HSPBAP1: variants seen among roughly 807,000 people sequenced by gnomAD.
HSPBAP1 encodes HSPB1-associated protein 1.
HSPBAP1 carries 27 observed loss-of-function variants against 45.2 expected under a neutral mutation model. The ratio of observed to expected loss-of-function variants is 0.60; its 90% CI spans 0.44 to 0.82. HSPBAP1 has a LOEUF of 0.82. Among genes scored for constraint, HSPBAP1 ranks in the 40% least tolerant of loss-of-function variants. The pLI, the probability that HSPBAP1 is intolerant of heterozygous loss-of-function variation, is 0.00. For missense variants in HSPBAP1, 510 were observed against 590.9 expected (o/e 0.86, Z 1.42); for synonymous variants, 204 against 202.7 (o/e 1.01, Z -0.06).
chr3:122,751,053 A>T (rs745463591), intron 6 of HSPBAP1, among the ~76,000 whole-genome samples: 55 of 152,384 alleles, frequency 3.6e-4, no homozygotes, highest in Non-Finnish European at 5.4e-4. Context: ...CTAAAGTGAG[A>T]TGAGATTACT....
chr3:122,791,679 A>G (rs1935834881), intron 1 of HSPBAP1, among the ~76,000 whole-genome samples: 1 of 152,236 alleles, frequency 6.6e-6, no homozygotes, highest in Non-Finnish European at 1.5e-5. Flanking sequence ...TGATCTGGTA[A>G]GGTCTCAGGT....
intron 3 of HSPBAP1, among the ~76,000 whole-genome samples, chr3:122,765,303 G>A (rs1490856007): frequency 1.3e-5 from 2 of 152,096 alleles, no homozygotes; most frequent in Non-Finnish European, 2.9e-5. Flanking sequence ...ATTTTTGGCT[G>A]GGCATGATGG....
In HSPBAP1 at chr3:122,759,218, CAT is replaced by C; in HGVS notation, c.569+4_569+5del. ...ACACACACACACACACACACACACA[CAT>C]TACCTTCCTTGTACCTGGAATACCA... On this transcript the variant is annotated splice_donor_5th_base_variant and intron_variant, in intron 4 of 7. Coordinates refer to ENST00000306103, the MANE Select transcript of HSPBAP1 (RefSeq NM_024610.6). 4 of 1,608,724 alleles carry C rather than the reference CAT, an allele frequency of 2.5e-6. No homozygotes were observed. The highest frequency in any genetic ancestry group is 2.5e-6 in the Non-Finnish European group (3 of 1,177,818).
chr3:122,743,562 G>A (rs1171254468), intron 6 of HSPBAP1, among the ~76,000 whole-genome samples: 1 of 150,402 alleles, frequency 6.6e-6, no homozygotes, highest in African/African-American at 2.4e-5. Context: ...GCGAAACTTT[G>A]TCTCAAACAA....
intron 2 of HSPBAP1, among the ~76,000 whole-genome samples, chr3:122,770,806 A>G (rs1036188396): frequency 2.0e-5 from 3 of 152,256 alleles, no homozygotes; most frequent in African/African-American, 7.2e-5. Flanking sequence ...ACAAAAGTGC[A>G]TGTGGCAAGA....
chr3:122,778,104 G>A (rs917114838), intron 1 of HSPBAP1, among the ~76,000 whole-genome samples, 198 bp from the exon 2 acceptor site: 1 of 151,744 alleles, frequency 6.6e-6, no homozygotes, highest in Non-Finnish European at 1.5e-5. Context: ...TAGATCCAGG[G>A]GTATATGTGC....
chr3:122,749,463 C>T (rs1338769864), intron 6 of HSPBAP1, among the ~76,000 whole-genome samples: 1 of 152,018 alleles, frequency 6.6e-6, no homozygotes, highest in Non-Finnish European at 1.5e-5. Context: ...TTCACAATGA[C>T]TCCTGAATAA....
chr3:122,767,644 T>C (rs897307606), intron 3 of HSPBAP1, among the ~76,000 whole-genome samples: 1 of 151,974 alleles, frequency 6.6e-6, no homozygotes, highest in African/African-American at 2.4e-5. Flanking sequence ...AAAAGCAAAA[T>C]TAAGCCAGGC....
At chr3:122,750,206 C>T (rs1934079426) in intron 6 of HSPBAP1, among the ~76,000 whole-genome samples, 1 of 151,998 alleles carries the variant, frequency 6.6e-6, no homozygotes, top group African/African-American at 2.4e-5. Context: ...ATCTTTTGAC[C>T]TCATGATCCA....
chr3:122,780,006 C>T (rs1219345656), intron 1 of HSPBAP1, among the ~76,000 whole-genome samples: 1 of 152,148 alleles, frequency 6.6e-6, no homozygotes, highest in Non-Finnish European at 1.5e-5. Context: ...ATGGCCCGTT[C>T]TCAATGAGCT....
intron 2 of HSPBAP1, among the ~76,000 whole-genome samples, chr3:122,773,375 T>A (rs1411543855): frequency 6.8e-6 from 1 of 147,392 alleles, no homozygotes; most frequent in African/African-American, 2.5e-5. Flanking sequence ...AGTGGCACTA[T>A]CTTGGCTCAC....
chr3:122,785,260 T>C (rs926811914), intron 1 of HSPBAP1, among the ~76,000 whole-genome samples: 10 of 152,234 alleles, frequency 6.6e-5, no homozygotes, highest in African/African-American at 1.7e-4. Context: ...CAGGGAGTGC[T>C]AGTTGCCTGT....
At chr3:122,754,845 C>T (rs1934286338) in intron 5 of HSPBAP1, 1 of 988,916 alleles carries the variant, frequency 1.0e-6, no homozygotes, top group Non-Finnish European at 1.2e-6. Context: ...TGGCCCACAC[C>T]TGGAGGCATT....
chr3:122,772,615 T>A (rs1275561695), intron 2 of HSPBAP1, among the ~76,000 whole-genome samples: 3 of 152,010 alleles, frequency 2.0e-5, no homozygotes, highest in Non-Finnish European at 2.9e-5. Context: ...GACTACCATA[T>A]ACCAAAATAA....
rs111580073 is a variant in HSPBAP1 at position 122,760,713 on chromosome 3, A to AGCCTATT, written c.433-1354_433-1353insAATAGGC. Among the ~76,000 whole-genome samples, 527 of 152,264 alleles carry AGCCTATT rather than the reference A, an allele frequency of 3.5e-3. 3 individuals carry two copies. The highest frequency in any genetic ancestry group is 0.011 in the African/African-American group (452 of 41,546). Reference sequence around the variant, plus strand: ...CAAAAATCCTGTTCTCTCTGCATGTAGCCTATAAGCTCCATACTGGGAGCT... The same window carrying AGCCTATT: ...CAAAAATCCTGTTCTCTCTGCATGTAGCCTATTGCCTATAAGCTCCATACTGGGAGCT... On this transcript the variant is annotated intron_variant, in intron 3 of 7. Transcript: ENST00000306103.
intron 4 of HSPBAP1, among the ~76,000 whole-genome samples, chr3:122,756,698 TAAA>T (rs755437040): frequency 4.3e-5 from 5 of 115,082 alleles, no homozygotes; most frequent in Admixed American, 8.9e-5. Context: ...ACCTTGTATC[TAAA>T]AAAAAAAAAA....
In HSPBAP1 at chr3:122,740,530, A is replaced by G. The variant is rs141148831; in HGVS notation, c.1282T>C (p.Leu428=). The change falls in exon 8 of 8, where the codon TTG becomes CTG. Residue 428 remains leucine (L), a synonymous_variant. Coordinates refer to ENST00000306103, the MANE Select transcript of HSPBAP1 (RefSeq NM_024610.6). ...ATTTGTTGTCTCTTGGCACAATGCA[A>G]TTTTCCAAAGTGTTCTCCATCCTTG... ...VDKDGEHFGK[L]HCAKRQQIMS... 1,483 of 1,614,074 alleles carry G rather than the reference A, an allele frequency of 9.2e-4. 7 individuals carry two copies. The highest frequency in any genetic ancestry group is 5.1e-3 in the Middle Eastern group (31 of 6,062).
chr3:122,790,363 T>G (rs1935787354), intron 1 of HSPBAP1, among the ~76,000 whole-genome samples: 1 of 152,208 alleles, frequency 6.6e-6, no homozygotes, highest in Non-Finnish European at 1.5e-5. Flanking sequence ...TATTTCTACT[T>G]TAGTAGAATT....
intron 1 of HSPBAP1, among the ~76,000 whole-genome samples, chr3:122,778,220 T>G (rs1193979254): frequency 1.3e-5 from 2 of 150,724 alleles, no homozygotes; most frequent in South Asian, 2.1e-4. Flanking sequence ...TTTTTGTTGT[T>G]TTTTTTTTTT....
Sources: allele counts gnomAD v4.1 joint callset (sites outside exome capture counted in the v4.1 genomes callset), GRCh38; gene constraint gnomAD v4.1.1; transcripts MANE v1.5; gene names NCBI Gene and HGNC (gene_info 2026-07-23, HGNC 2026-07-21).